The following BMPR1B variants were observed in gnomAD, a reference collection of about 807,000 sequenced individuals.
The protein encoded by BMPR1B is bone morphogenetic protein receptor type 1B, also known as bone morphogenetic protein receptor type-1B.
BMPR1B carries 12 observed loss-of-function variants against 59.1 expected under a neutral mutation model. The observed-to-expected ratio is 0.20, with a 90% CI of 0.13 to 0.33. BMPR1B has a LOEUF of 0.33. Ranked by LOEUF, BMPR1B falls within the 10% of genes least tolerant of loss-of-function variation. BMPR1B has a pLI of 1.00. For missense variants in BMPR1B, 550 were observed against 610.9 expected, an observed-to-expected ratio of 0.90 and a Z score of 1.05; for synonymous variants, 237 against 207.3, an observed-to-expected ratio of 1.14 and a Z score of -1.23.
chr4:94,759,483 A>T (rs1721672799), intron 1 of BMPR1B, among the ~76,000 whole-genome samples: 1 of 152,256 alleles, frequency 6.6e-6, no homozygotes, highest in Non-Finnish European at 1.5e-5. Flanking sequence ...ATTGATGCCA[A>T]CGAATCTCTG....
chr4:95,112,596 C>T (rs539346799), intron 4 of BMPR1B, among the ~76,000 whole-genome samples: 2 of 152,162 alleles, frequency 1.3e-5, no homozygotes, highest in African/African-American at 4.8e-5. Flanking sequence ...ATGGCTGTCT[C>T]GCCTCCTTTC....
At chr4:95,135,753 A>G (rs957781278) in intron 10 of BMPR1B, among the ~76,000 whole-genome samples, 1 of 152,178 alleles carries the variant, frequency 6.6e-6, no homozygotes, top group African/African-American at 2.4e-5. Context: ...CAGCTTAAGG[A>G]GATTTTGGGC....
intron 1 of BMPR1B, among the ~76,000 whole-genome samples, chr4:94,778,349 C>T (rs1359071411): frequency 6.6e-6 from 1 of 152,084 alleles, no homozygotes; most frequent in Non-Finnish European, 1.5e-5. Context: ...TAGGTAGTGT[C>T]CTGTGTTTTA....
chr4:94,863,070 C>T (rs779416449), intron 1 of BMPR1B, among the ~76,000 whole-genome samples: 7 of 151,746 alleles, frequency 4.6e-5, no homozygotes, highest in Non-Finnish European at 7.4e-5. Context: ...GAGCCGAGAT[C>T]GCGCCACTGC....
At chr4:95,069,271 T>C (rs141740329) in intron 3 of BMPR1B, among the ~76,000 whole-genome samples, 5 of 152,328 alleles carry the variant, frequency 3.3e-5, no homozygotes, top group African/African-American at 1.2e-4. Flanking sequence ...GTTTTTGCTC[T>C]CTATAGTCTA....
intron 2 of BMPR1B, among the ~76,000 whole-genome samples, chr4:94,888,131 G>T (rs1334676316): frequency 6.6e-6 from 1 of 151,990 alleles, no homozygotes; most frequent in Non-Finnish European, 1.5e-5. Context: ...TGGCAATCAA[G>T]AATTTTGTAT....
intron 2 of BMPR1B, among the ~76,000 whole-genome samples, chr4:94,907,396 T>C (rs958196374): frequency 1.3e-5 from 2 of 152,030 alleles, no homozygotes; most frequent in African/African-American, 4.8e-5. Flanking sequence ...TTTTGAAGAG[T>C]TCATTAAACA....
In BMPR1B at chr4:94,879,565, T is replaced by C. The variant is rs570143225; in HGVS notation, c.-113+3665T>C. Among the ~76,000 whole-genome samples the C allele has an allele frequency of 4.6e-5, 7 of 152,294 alleles. No individual in the cohort carries two copies. In the South Asian group the frequency reaches 1.4e-3, roughly 32 times the overall value. ...CTACAGTGAGCTGTGTTAGCACCACTGTACTCCAGCTTGGATGACAGAGCG... is the reference window on the plus strand; with the variant it reads ...CTACAGTGAGCTGTGTTAGCACCACCGTACTCCAGCTTGGATGACAGAGCG... On this transcript the variant is annotated intron_variant, in intron 2 of 12. Transcript: ENST00000515059.
intron 6 of BMPR1B, among the ~76,000 whole-genome samples, chr4:95,120,383 T>G (rs538118778): frequency 6.6e-6 from 1 of 152,282 alleles, no homozygotes; most frequent in East Asian, 1.9e-4. Context: ...ACAGCATCAC[T>G]CCTATTCAGC....
chr4:94,922,421 GCAAACCA>G (rs1728737538), intron 2 of BMPR1B, among the ~76,000 whole-genome samples: 1 of 152,094 alleles, frequency 6.6e-6, no homozygotes, highest in Non-Finnish European at 1.5e-5. Flanking sequence ...AATGGATAAA[GCAAACCA>G]CAAATAAAAC....
intron 3 of BMPR1B, among the ~76,000 whole-genome samples, chr4:95,030,965 A>C (rs994168048): frequency 6.6e-6 from 1 of 152,028 alleles, no homozygotes; most frequent in African/African-American, 2.4e-5. Flanking sequence ...TTATAGATTC[A>C]ATGCCATCCC....
intron 3 of BMPR1B, among the ~76,000 whole-genome samples, chr4:95,042,060 G>C (rs1466337982): frequency 6.6e-6 from 1 of 152,064 alleles, no homozygotes; most frequent in African/African-American, 2.4e-5. Context: ...GTTTCACTCT[G>C]TTAGCCAGGA....
At chr4:94,904,427 A>T (rs533466048) in intron 2 of BMPR1B, among the ~76,000 whole-genome samples, 1 of 152,052 alleles carries the variant, frequency 6.6e-6, no homozygotes, top group Non-Finnish European at 1.5e-5. Flanking sequence ...GTGATAGCAG[A>T]TAGGGATTCA....
At chr4:95,053,674 A>G (rs530721930) in intron 3 of BMPR1B, among the ~76,000 whole-genome samples, 3 of 152,264 alleles carry the variant, frequency 2.0e-5, no homozygotes, top group African/African-American at 7.2e-5. Flanking sequence ...TAGGACTGTG[A>G]ACATCCAACA....
intron 1 of BMPR1B, among the ~76,000 whole-genome samples, chr4:94,814,153 T>G (rs1025948887): frequency 6.6e-6 from 1 of 152,234 alleles, no homozygotes; most frequent in Non-Finnish European, 1.5e-5. Flanking sequence ...CTTAAAAAGA[T>G]TATAACACTT....
intron 10 of BMPR1B, among the ~76,000 whole-genome samples, chr4:95,135,756 T>C (rs2149307979): frequency 6.6e-6 from 1 of 152,320 alleles, no homozygotes; most frequent in East Asian, 1.9e-4. Flanking sequence ...CTTAAGGAGA[T>C]TTTGGGCTGA....
Position 94,899,759 on chromosome 4 carries a change from T to G in BMPR1B, c.-113+23859T>G, listed in dbSNP as rs150910834. On this transcript the variant is annotated intron_variant, in intron 2 of 12. Transcript: ENST00000515059. ...ATTTGAGAAAATTTATTATAGCCAC[T>G]GTCAAAGTTAAGGAGGAAATTAAAA... 5.1e-3 allele frequency among the ~76,000 whole-genome samples: 770 copies of G among 152,158 alleles called. 4 individuals are homozygous for G. Among genetic ancestry groups the G allele is most frequent in the Non-Finnish European group, 8.2e-3 (558 of 67,954 alleles).
intron 2 of BMPR1B, among the ~76,000 whole-genome samples, chr4:94,967,605 C>G (rs902197704): frequency 6.6e-6 from 1 of 152,076 alleles, no homozygotes; most frequent in African/African-American, 2.4e-5. Flanking sequence ...GCCTCAGCCT[C>G]CTGAGTAGCT....
intron 3 of BMPR1B, among the ~76,000 whole-genome samples, chr4:95,101,257 T>C (rs1344753054): frequency 1.3e-5 from 2 of 152,282 alleles, no homozygotes; most frequent in Non-Finnish European, 2.9e-5. Flanking sequence ...GTTCACTGAA[T>C]GTTTGCAGTA....
Sources: gnomAD v4.1 joint callset for allele counts (sites outside exome capture counted in the v4.1 genomes callset) on GRCh38, gnomAD v4.1.1 for gene constraint, MANE v1.5 for transcripts, NCBI Gene and HGNC (gene_info 2026-07-23, HGNC 2026-07-21) for gene names.